Variants in LHCGR observed in about 807,000 individuals in gnomAD.
LHCGR encodes the protein luteinizing hormone/choriogonadotropin receptor.
Under a neutral mutation model 60.7 loss-of-function variants are expected in LHCGR, and 55 were observed. The observed-to-expected ratio is 0.91, with a 90% confidence interval of 0.73 to 1.13. The LOEUF (loss-of-function observed/expected upper bound fraction) is 1.13. LHCGR is among the 50% of genes most tolerant of loss of function. LHCGR has a pLI of 0.00. For missense variants in LHCGR, 862 were observed against 836.0 expected (o/e 1.03, Z -0.38); for synonymous variants, 337 against 316.5 (o/e 1.06, Z -0.69).
intron 7 of LHCGR, 25 bp from the exon 8 acceptor site, chr2:48,709,047 G>A: frequency 2.5e-6 from 4 of 1,585,802 alleles, no homozygotes; most frequent in African/African-American, 1.3e-5. Context: ...ATTGCCCTTA[G>A]TGGAGTTTGT....
At chr2:48,743,340 T>C (rs1227330900) in intron 1 of LHCGR, among the ~76,000 whole-genome samples, 2 of 152,154 alleles carry the variant, frequency 1.3e-5, no homozygotes, top group Non-Finnish European at 2.9e-5. Flanking sequence ...CTAACTCATT[T>C]TATGAGGCCA....
At chr2:48,716,971 T>A (rs1668276536) in intron 6 of LHCGR, among the ~76,000 whole-genome samples, 1 of 152,294 alleles carries the variant, frequency 6.6e-6, no homozygotes, top group African/African-American at 2.4e-5. Flanking sequence ...CAAGCTCTCC[T>A]AGTGAGCCTT....
Position 48,755,688 on chromosome 2 carries a change from T to A in LHCGR, c.-17A>T. On this transcript the variant is annotated 5_prime_UTR_variant, in exon 1 of 11. It adds an upstream start codon to the 5' untranslated region. Transcript: ENST00000294954. ...CTGCTTCATGGCCGGCGAACTGGGCTTCTGCGGCTTGCCAGTGTCTTGGAC... is the reference window on the plus strand; with the variant it reads ...CTGCTTCATGGCCGGCGAACTGGGCATCTGCGGCTTGCCAGTGTCTTGGAC... The A allele has an allele frequency of 6.5e-7, 1 of 1,534,322 alleles. No homozygotes were observed. The highest frequency in any genetic ancestry group is 8.7e-7 in the Non-Finnish European group (1 of 1,146,348).
intron 3 of LHCGR, among the ~76,000 whole-genome samples, chr2:48,726,214 G>T (rs975195757): frequency 1.3e-5 from 2 of 152,164 alleles, no homozygotes; most frequent in Non-Finnish European, 2.9e-5. Context: ...TTATACCGAG[G>T]GGCACCAGTC....
chr2:48,740,926 G>C (rs1456770946), intron 1 of LHCGR, among the ~76,000 whole-genome samples: 3 of 152,138 alleles, frequency 2.0e-5, no homozygotes, highest in Non-Finnish European at 4.4e-5. Context: ...CAAAGGCAAA[G>C]AAGTTGAAAA....
intron 6 of LHCGR, among the ~76,000 whole-genome samples, chr2:48,715,367 G>A (rs961287353): frequency 1.3e-5 from 2 of 152,166 alleles, no homozygotes; most frequent in African/African-American, 4.8e-5. Context: ...GAAAGCTACT[G>A]CCTTAGATGG....
intron 6 of LHCGR, chr2:48,721,745 G>A (rs936113244): frequency 6.4e-6 from 3 of 470,932 alleles, no homozygotes; most frequent in South Asian, 1.5e-5. Context: ...TTAAGGGTGA[G>A]CTCCTTTATT....
chr2:48,688,143 C>T lies in LHCGR; in HGVS notation c.1654G>A (p.Ala552Thr). The T allele has an allele frequency of 6.2e-7, 1 of 1,614,042 alleles. No homozygotes were observed. ...GCCATTAATTCTGGGTTTCGAACTGCAAAATAAATTTTAATGTAGCAAGCA... is the reference window on the plus strand; with the variant it reads ...GCCATTAATTCTGGGTTTCGAACTGTAAAATAAATTTTAATGTAGCAAGCA... ...ICACYIKIYF[A>T]VRNPELMATN... The change falls in exon 11 of 11, where the codon GCA (alanine) becomes ACA (threonine). Residue 552 changes from alanine (A) to threonine (T), a missense_variant. Ala to Thr is a moderately conservative substitution (Grantham distance 58, BLOSUM62 0). Coordinates refer to ENST00000294954, the MANE Select transcript of LHCGR (RefSeq NM_000233.4). The surrounding 1 kb of genome is among the most constrained non-coding windows in gnomAD (Gnocchi z 5.2).
At position 48,687,437 on chromosome 2, in the gene LHCGR, C is replaced by T; in HGVS notation, c.*260G>A. The T allele has an allele frequency of 2.7e-6, 1 of 376,986 alleles. No homozygotes were observed. Among genetic ancestry groups the T allele is most frequent in the Non-Finnish European group, 4.8e-6 (1 of 210,218 alleles). 23.4% of individuals were successfully genotyped at this position (376,986 alleles called of 1,614,324 possible). A position where few individuals can be genotyped will look rare whatever the true frequency, so the allele number is the denominator to read the frequency against. Reference sequence around the variant, plus strand: ...TCAGTTTTTTAAAAGATTCATCAAACAAAATTACTGTGTCAAAATTTCTAT... The same window carrying T: ...TCAGTTTTTTAAAAGATTCATCAAATAAAATTACTGTGTCAAAATTTCTAT... On this transcript the variant is annotated 3_prime_UTR_variant, in exon 11 of 11. Coordinates refer to ENST00000294954, the MANE Select transcript of LHCGR (RefSeq NM_000233.4).
chr2:48,719,496 G>T (rs866384844), intron 6 of LHCGR, among the ~76,000 whole-genome samples: 1 of 152,122 alleles, frequency 6.6e-6, no homozygotes, highest in Admixed American at 6.5e-5. Flanking sequence ...AATCAAGATT[G>T]TCTCTTTTTT....
In LHCGR at chr2:48,731,548, G is replaced by T. The variant is rs7562215; in HGVS notation, c.162-250C>A. ...ACGTTGAGATTAGGCATACCTGGAC[G>T]CAAATCTTCGCTGTCCCACTACTTG... is the stretch of plus-strand genomic sequence containing the variant. On this transcript the variant is annotated intron_variant, in intron 1 of 10. Transcript: ENST00000294954. Among the ~76,000 whole-genome samples, 30,363 of 152,050 alleles carry T rather than the reference G, an allele frequency of 0.2. 5,000 individuals carry two copies. The highest frequency in any genetic ancestry group is 0.44 in the African/African-American group (18,234 of 41,440).
chr2:48,689,859 C>T (rs1182416708), intron 10 of LHCGR, among the ~76,000 whole-genome samples: 8 of 152,102 alleles, frequency 5.3e-5, no homozygotes, highest in African/African-American at 1.4e-4. Context: ...GGACTACAGG[C>T]GCATGCCACC....
intron 1 of LHCGR, chr2:48,732,870 G>C (rs1669058317): frequency 1.9e-6 from 1 of 534,346 alleles, no homozygotes; most frequent in South Asian, 1.4e-5. Context: ...ATCCAACTTT[G>C]GTCTCTGATT....
chr2:48,715,422 G>A (rs570323031), intron 6 of LHCGR, among the ~76,000 whole-genome samples: 2 of 152,172 alleles, frequency 1.3e-5, no homozygotes, highest in South Asian at 2.1e-4. Context: ...TAAAACCCAC[G>A]TGAGAAAGGG....
In LHCGR at chr2:48,688,522, C is replaced by G. The variant is rs1558799374; in HGVS notation, c.1275G>C (p.Gln425His). 6.2e-7 allele frequency: 1 copy of G among 1,614,056 alleles called. No homozygotes were observed. Among genetic ancestry groups the G allele is most frequent in the Non-Finnish European group, 8.5e-7 (1 of 1,180,046 alleles). The change falls in exon 11 of 11, where the codon CAG becomes CAC. Residue 425 changes from glutamine (Q) to histidine (H), a missense_variant. Physicochemically the swap from Gln to His is conservative, Grantham distance 24. Coordinates refer to ENST00000294954, the MANE Select transcript of LHCGR (RefSeq NM_000233.4). The surrounding 1 kb of genome is among the most constrained non-coding windows in gnomAD (Gnocchi z 5.2). ...IASVDSQTKG[Q>H]YYNHAIDWQT... ...GCCAGTCTATGGCATGGTTATAGTA[C>G]TGGCCCTTGGTTTGGGAATCAACTG...
intron 1 of LHCGR, chr2:48,733,204 A>G: frequency 3.5e-6 from 1 of 283,140 alleles, no homozygotes; most frequent in South Asian, 3.6e-5. Context: ...CATATTTTGG[A>G]GAGTGTTTAC....
At chr2:48,752,019 C>T (rs1669978729) in intron 1 of LHCGR, among the ~76,000 whole-genome samples, 1 of 152,174 alleles carries the variant, frequency 6.6e-6, no homozygotes, top group Non-Finnish European at 1.5e-5. Flanking sequence ...TTTTTCTCCT[C>T]TTTCCAGTTG....
intron 1 of LHCGR, among the ~76,000 whole-genome samples, chr2:48,749,063 A>G (rs970047310): frequency 2.6e-5 from 4 of 152,236 alleles, no homozygotes; most frequent in African/African-American, 7.2e-5. Flanking sequence ...CATCAGAGTC[A>G]AGGACAAGTG....
intron 6 of LHCGR, among the ~76,000 whole-genome samples, chr2:48,722,706 T>C (rs748458622): frequency 6.6e-6 from 1 of 152,220 alleles, no homozygotes; most frequent in Non-Finnish European, 1.5e-5. Flanking sequence ...GCCAGAATCA[T>C]GCTTCCTGCA....
Sources: allele counts gnomAD v4.1 joint callset (sites outside exome capture counted in the v4.1 genomes callset), GRCh38; gene constraint gnomAD v4.1.1; non-coding constraint Gnocchi (gnomAD v3.1); transcripts MANE v1.5; gene names NCBI Gene and HGNC (gene_info 2026-07-23, HGNC 2026-07-21).